The following GATAD2A variants were observed in gnomAD, a reference collection of about 807,000 sequenced individuals.
The protein encoded by GATAD2A is GATA zinc finger domain containing 2A.
GATAD2A carries 12 observed loss-of-function variants against 68.5 expected under a neutral mutation model. The observed-to-expected ratio is 0.18, with a 90% CI of 0.11 to 0.28. GATAD2A has a LOEUF of 0.28. Ranked by LOEUF, GATAD2A falls within the 10% of genes least tolerant of loss-of-function variation. The probability of loss-of-function intolerance (pLI) is 1.00; values close to 1 mark genes in which losing one functional copy is unlikely to be tolerated. For synonymous variants in GATAD2A, 410 were observed against 375.3 expected, an observed-to-expected ratio of 1.09 and a Z score of -1.07; for missense variants, 755 against 868.5, an observed-to-expected ratio of 0.87 and a Z score of 1.64.
At chr19:19,410,286 A>G (rs1464343710) in intron 1 of GATAD2A, among the ~76,000 whole-genome samples, 1 of 134,428 alleles carries the variant, frequency 7.4e-6, no homozygotes, top group African/African-American at 2.9e-5. Flanking sequence ...GATGAGCAGT[A>G]CTCTAAAGGA....
intron 1 of GATAD2A, among the ~76,000 whole-genome samples, chr19:19,392,047 A>T (rs1383527347): frequency 2.2e-5 from 3 of 136,492 alleles, no homozygotes; most frequent in Non-Finnish European, 4.8e-5. Context: ...GCCTTTGTTT[A>T]TACTGGTGTG....
intron 1 of GATAD2A, among the ~76,000 whole-genome samples, 173 bp from the exon 2 acceptor site, chr19:19,465,167 G>A (rs2057769470): frequency 6.6e-6 from 1 of 152,188 alleles, no homozygotes; most frequent in Non-Finnish European, 1.5e-5. Context: ...CCTTCCTCAA[G>A]GCAGTGATGA....
chr19:19,505,834 C>T lies in GATAD2A; in HGVS notation c.*360C>T, dbSNP rs2060843481. 1.2e-5 allele frequency: 5 copies of T among 424,624 alleles called. No homozygotes were observed. Among genetic ancestry groups the T allele is most frequent in the Non-Finnish European group, 2.1e-5 (5 of 243,006 alleles). The allele number at this position is 424,624 out of a possible 1,614,324, so 26.3% of individuals were successfully genotyped here. On this transcript the variant is annotated 3_prime_UTR_variant, in exon 12 of 12. Coordinates refer to ENST00000683918, the MANE Select transcript of GATAD2A (RefSeq NM_001384528.1). ...CCCCTGCCGGCACACGGGCGGCTCA[C>T]CCTGGACACTGTGATGCGCATGGGC...
intron 1 of GATAD2A, among the ~76,000 whole-genome samples, chr19:19,454,017 G>T (rs1316596633): frequency 7.0e-6 from 1 of 143,414 alleles, no homozygotes; most frequent in Non-Finnish European, 1.5e-5. Flanking sequence ...TTGCTTTTGA[G>T]ACAGAGTTTC....
chr19:19,452,414 A>G (rs897645712), intron 1 of GATAD2A, among the ~76,000 whole-genome samples: 6 of 152,070 alleles, frequency 3.9e-5, no homozygotes, highest in Non-Finnish European at 7.4e-5. Context: ...GGCACCTTCA[A>G]CAGGACGGAA....
Position 19,501,266 on chromosome 19 carries a change from C to T in GATAD2A, c.1353C>T (p.Leu451=). Reference sequence around the variant, plus strand: ...TGACAACCAACCAGAAGAAGGCGCTCAAGGTGGAGCACACCAGCCGGCTGA... The same window carrying T: ...TGACAACCAACCAGAAGAAGGCGCTTAAGGTGGAGCACACCAGCCGGCTGA... ...NCMTTNQKKA[L]KVEHTSRLKA... is the part of the protein sequence containing the mutation. Residue 451 remains leucine (L), a synonymous_variant, in exon 9 of 12, where the codon CTC becomes CTT. Coordinates refer to ENST00000683918, the MANE Select transcript of GATAD2A (RefSeq NM_001384528.1). 4.3e-6 allele frequency: 7 copies of T among 1,613,378 alleles called. No individual in the cohort carries two copies. Among genetic ancestry groups the T allele is most frequent in the Non-Finnish European group, 5.9e-6 (7 of 1,180,026 alleles).
Position 19,508,542 on chromosome 19 carries a change from CTT to C in GATAD2A, c.*3069_*3070del, listed in dbSNP as rs1335869719. ...ATTGGACGTAGAGGCAGGGGAGAGA[CTT>C]CTCTATACAAATATTCTCATCACAG... On this transcript the variant is annotated 3_prime_UTR_variant, in exon 12 of 12. Coordinates refer to ENST00000683918, the MANE Select transcript of GATAD2A (RefSeq NM_001384528.1). 5 of 152,208 alleles carry C rather than the reference CTT, an allele frequency of 3.3e-5. No homozygotes were observed. Among genetic ancestry groups the C allele is most frequent in the Non-Finnish European group, 4.4e-5 (3 of 68,050 alleles). 9.4% of individuals were successfully genotyped at this position (152,208 alleles called of 1,614,324 possible).
chr19:19,496,246 GGA>G (rs1361619019), intron 7 of GATAD2A, 27 bp downstream of exon 7: 1 of 1,605,800 alleles, frequency 6.2e-7, no homozygotes, highest in African/African-American at 1.3e-5. Flanking sequence ...ACTGTGCCAG[GGA>G]GAGTGTGTGT....
At chr19:19,420,235 C>T (rs531455290) in intron 1 of GATAD2A, among the ~76,000 whole-genome samples, 14 of 136,578 alleles carry the variant, frequency 1.0e-4, no homozygotes, top group African/African-American at 3.0e-4. Flanking sequence ...GTTGGCCAGG[C>T]TGGTCTCGAA....
intron 1 of GATAD2A, among the ~76,000 whole-genome samples, chr19:19,396,186 C>T (rs1440125177): frequency 8.5e-5 from 13 of 152,112 alleles, no homozygotes; most frequent in African/African-American, 2.4e-4. Context: ...GGGTGGTGGG[C>T]GCCTCTAATC....
chr19:19,424,960 A>C (rs1568273029), intron 1 of GATAD2A, among the ~76,000 whole-genome samples: 1 of 151,934 alleles, frequency 6.6e-6, no homozygotes, highest in Non-Finnish European at 1.5e-5. Flanking sequence ...CAAAAAATAA[A>C]AAAGGTGTGG....
At chr19:19,436,882 C>A (rs577212366) in intron 1 of GATAD2A, among the ~76,000 whole-genome samples, 56 of 152,336 alleles carry the variant, frequency 3.7e-4, no homozygotes, top group African/African-American at 1.2e-3. Flanking sequence ...TGGGGACACA[C>A]ATGGGCCAGA....
Position 19,406,039 on chromosome 19 carries a change from T to TGGCGGGG in GATAD2A, c.-7+29_-7+35dup, listed in dbSNP as rs2050190929. ...GGCCCGGTAAGTTCTGGACCAAACT[T>TGGCGGGG]GGCGGGGGGCGGGGGCTGGGGACGC... On this transcript the variant is annotated intron_variant, in intron 1 of 11. Coordinates refer to ENST00000683918, the MANE Select transcript of GATAD2A (RefSeq NM_001384528.1). 3 of 151,098 alleles carry TGGCGGGG rather than the reference T, an allele frequency of 2.0e-5. No homozygotes were observed. Among genetic ancestry groups the TGGCGGGG allele is most frequent in the Admixed American group, 6.6e-5 (1 of 15,226 alleles). The allele number at this position is 151,098 out of a possible 1,614,324, so 9.4% of individuals were successfully genotyped here.
intron 1 of GATAD2A, among the ~76,000 whole-genome samples, chr19:19,422,214 A>G (rs2052509648): frequency 6.6e-6 from 1 of 152,220 alleles, no homozygotes; most frequent in Non-Finnish European, 1.5e-5. Context: ...TCTTCCCAGC[A>G]AGGAAAACGC....
At chr19:19,406,607 C>T (rs966880687) in intron 1 of GATAD2A, among the ~76,000 whole-genome samples, 3 of 152,222 alleles carry the variant, frequency 2.0e-5, no homozygotes, top group Non-Finnish European at 4.4e-5. Context: ...TCCGGCCTTT[C>T]TCAAGGCCCG....
intron 5 of GATAD2A, 39 bp downstream of exon 5, chr19:19,494,422 G>A: frequency 7.8e-7 from 1 of 1,277,480 alleles, no homozygotes; most frequent in Non-Finnish European, 1.1e-6. Flanking sequence ...TGCCCTGCTG[G>A]CACTGCTGCT....
Position 19,424,850 on chromosome 19 carries a change from G to A in GATAD2A, c.-7+18831G>A, listed in dbSNP as rs551263177. On this transcript the variant is annotated intron_variant, in intron 1 of 11. Transcript: ENST00000683918. ...AAACTTGAGCTGGGTGTGGTGGCTT[G>A]TGCCTGTAATCCCAGCACTTTGGGA... Among the ~76,000 whole-genome samples, 12 of 152,018 alleles carry A rather than the reference G, an allele frequency of 7.9e-5. No homozygotes were observed. In the South Asian group the frequency reaches 2.3e-3, roughly 29 times the overall value.
intron 1 of GATAD2A, among the ~76,000 whole-genome samples, chr19:19,450,565 C>A (rs962725938): frequency 2.0e-5 from 3 of 151,742 alleles, no homozygotes; most frequent in African/African-American, 7.3e-5. Context: ...GCTTTCTCCT[C>A]CTCTTCAGGA....
chr19:19,420,086 C>T (rs1279809321), intron 1 of GATAD2A, among the ~76,000 whole-genome samples: 1 of 143,126 alleles, frequency 7.0e-6, no homozygotes, highest in East Asian at 2.1e-4. Context: ...TCTCAGCTCA[C>T]TGCAACCTCT....
Sources: gnomAD v4.1 joint callset for allele counts (sites outside exome capture counted in the v4.1 genomes callset) on GRCh38, gnomAD v4.1.1 for gene constraint, MANE v1.5 for transcripts, NCBI Gene and HGNC (gene_info 2026-07-23, HGNC 2026-07-21) for gene names.